PHF19: variants seen among roughly 807,000 people sequenced by gnomAD.
PHF19 encodes the protein polycomb like 3.
PHF19 carries 21 observed loss-of-function variants against 79.8 expected under a neutral mutation model. The observed-to-expected ratio is 0.26, with a 90% confidence interval of 0.19 to 0.38. The LOEUF is 0.38. PHF19 is among the 10% of genes least tolerant of loss of function. The probability of loss-of-function intolerance (pLI) is 1.00; values close to 1 mark genes in which losing one functional copy is unlikely to be tolerated. For synonymous variants in PHF19, 273 were observed against 296.3 expected (o/e 0.92, Z 0.81); for missense variants, 445 against 744.2 (o/e 0.60, Z 4.68).
chr9:120,876,941 G>T (rs1177685680), intron 1 of PHF19, 150 bp downstream of exon 1: 20 of 865,380 alleles, frequency 2.3e-5, no homozygotes, highest in Non-Finnish European at 2.6e-5. Context: ...CTGCACCCCC[G>T]GTCCCCACCC....
rs558384976 is a variant in PHF19 at position 120,866,770 on chromosome 9, C to T, written c.710+100G>A. 42 of 727,498 alleles carry T rather than the reference C, an allele frequency of 5.8e-5. No individual in the cohort carries two copies. In the Admixed American group the frequency reaches 7.1e-4, roughly 12 times the overall value. 45.1% of individuals were successfully genotyped at this position (727,498 alleles called of 1,614,324 possible). ...AGGCATACATTGTCACAGACCTCCT[C>T]TTGTCTGGAGCCTGGCAGTCAACCT... On this transcript the variant is annotated intron_variant, in intron 7 of 14. Transcript: ENST00000373896. This position sits in a 1 kb window ranked among gnomAD's most constrained non-coding sequence, Gnocchi z 5.2.
In PHF19 at chr9:120,869,719, G is replaced by A. The variant is rs374534932; in HGVS notation, c.465+126C>T. ...CCTGGCCAAGGACAGTGGCAGAGGC[G>A]CTATCTGTCTCCAAAGCCCAGGTGT... On this transcript the variant is annotated intron_variant, in intron 5 of 14. Transcript: ENST00000373896. This position sits in a 1 kb window ranked among gnomAD's most constrained non-coding sequence, Gnocchi z 5.8. The A allele has an allele frequency of 4.5e-6, 7 of 1,560,486 alleles. No individual in the cohort carries two copies. The highest frequency in any genetic ancestry group is 1.2e-5 in the South Asian group (1 of 84,762).
At chr9:120,868,524 T>C (rs1301132054) in intron 6 of PHF19, 2 of 153,046 alleles carry the variant, frequency 1.3e-5, no homozygotes, top group Non-Finnish European at 1.5e-5. Flanking sequence ...GGATTCGCAC[T>C]GTGTCCGGCC....
Position 120,860,986 on chromosome 9 carries a change from C to T in PHF19, c.1304+103G>A. The T allele has an allele frequency of 2.6e-6, 2 of 762,654 alleles. No homozygotes were observed. The highest frequency in any genetic ancestry group is 3.6e-5 in the Admixed American group (2 of 56,326). The allele number at this position is 762,654 out of a possible 1,614,324, so 47.2% of individuals were successfully genotyped here. A position where few individuals can be genotyped will look rare whatever the true frequency, so the allele number is the denominator to read the frequency against. On this transcript the variant is annotated intron_variant, in intron 13 of 14. Coordinates refer to ENST00000373896, the MANE Select transcript of PHF19 (RefSeq NM_015651.3). The surrounding 1 kb of genome is among the most constrained non-coding windows in gnomAD (Gnocchi z 4.1). ...CTCTACTGCAAAAAGCCCCTTCAGA[C>T]AGACCTGCACAGCAGGGATCCTTTT...
chr9:120,879,419 G>A (rs1196789850), upstream of PHF19, among the ~76,000 whole-genome samples: 1 of 152,180 alleles, frequency 6.6e-6, no homozygotes, highest in East Asian at 1.9e-4. Context: ...GAATTGTCCT[G>A]GCTTCAAGTC....
chr9:120,871,757 C>T (rs762072359), intron 3 of PHF19, among the ~76,000 whole-genome samples: 3 of 152,060 alleles, frequency 2.0e-5, no homozygotes, highest in Non-Finnish European at 4.4e-5. Context: ...GGGATCTCTT[C>T]GGCCGGGCGC....
At chr9:120,861,266 G>A (rs2045515956) in intron 12 of PHF19, 92 bp from the exon 13 acceptor site, 1 of 804,160 alleles carries the variant, frequency 1.2e-6, no homozygotes, top group African/African-American at 1.7e-5. Context: ...CAGGGCCGCT[G>A]AGGGCTGGGC....
chr9:120,863,599 C>T (rs1406469611), intron 10 of PHF19, among the ~76,000 whole-genome samples: 1 of 152,172 alleles, frequency 6.6e-6, no homozygotes, highest in Non-Finnish European at 1.5e-5. Context: ...TCTTAAAAGG[C>T]CTTGAGTGCC....
intron 3 of PHF19, among the ~76,000 whole-genome samples, chr9:120,872,899 G>A (rs2045945509): frequency 6.6e-6 from 1 of 152,016 alleles, no homozygotes; most frequent in Admixed American, 6.6e-5. Flanking sequence ...TGGGATTACA[G>A]GTATGAGCCA....
chr9:120,878,068 A>G (rs1398574807), upstream of PHF19, among the ~76,000 whole-genome samples: 2 of 152,228 alleles, frequency 1.3e-5, no homozygotes, highest in Non-Finnish European at 2.9e-5. Context: ...TGGGCTAACA[A>G]TGCAATTTTT....
Position 120,870,563 on chromosome 9 carries a change from G to GCGA in PHF19, c.269-26_269-25insTCG. ...GCTGAAAGAGAGGGCCTCGAGGGTC[G>GCGA]GGTCCAGCTCACAGGAATGGAAGTT... On this transcript the variant is annotated intron_variant, in intron 3 of 14. Coordinates refer to ENST00000373896, the MANE Select transcript of PHF19 (RefSeq NM_015651.3). This position sits in a 1 kb window ranked among gnomAD's most constrained non-coding sequence, Gnocchi z 4.4. 2 of 1,377,166 alleles carry GCGA rather than the reference G, an allele frequency of 1.5e-6. No homozygotes were observed. Among genetic ancestry groups the GCGA allele is most frequent in the Non-Finnish European group, 2.1e-6 (2 of 964,092 alleles). 85.3% of individuals were successfully genotyped at this position (1,377,166 alleles called of 1,614,324 possible). A position where few individuals can be genotyped will look rare whatever the true frequency, so the allele number is the denominator to read the frequency against.
At position 120,870,017 on chromosome 9, in the gene PHF19, C is replaced by T; in HGVS notation, c.365-72G>A. ...CCAAGGCCAGTTGGCCCAAAGGAGG[C>T]AGGGCTGGGAGGGCTGAGGGAAGTC... On this transcript the variant is annotated intron_variant, in intron 4 of 14. Coordinates refer to ENST00000373896, the MANE Select transcript of PHF19 (RefSeq NM_015651.3). The surrounding 1 kb of genome is among the most constrained non-coding windows in gnomAD (Gnocchi z 4.4). 6.5e-7 allele frequency: 1 copy of T among 1,527,284 alleles called. No homozygotes were observed. Among genetic ancestry groups the T allele is most frequent in the African/African-American group, 1.4e-5 (1 of 72,848 alleles). 94.6% of individuals were successfully genotyped at this position (1,527,284 alleles called of 1,614,324 possible). A position where few individuals can be genotyped will look rare whatever the true frequency, so the allele number is the denominator to read the frequency against.
At chr9:120,859,218 TTATACCATTGTCC>T in intron 14 of PHF19, among the ~76,000 whole-genome samples, 1 of 149,962 alleles carries the variant, frequency 6.7e-6, no homozygotes, top group East Asian at 2.0e-4. Flanking sequence ...TCTACAGGCA[TTATACCATTGTCC>T]TTTTTTTTTT....
At chr9:120,888,156 G>A (rs2046293780) in intron 1 of PHF19, among the ~76,000 whole-genome samples, 1 of 152,166 alleles carries the variant, frequency 6.6e-6, no homozygotes. Context: ...TATTTTTTTA[G>A]TAGAGAGGGG....
intron 3 of PHF19, among the ~76,000 whole-genome samples, chr9:120,872,037 C>CAAAAAAAAAGAAAAAGAA (rs2045912428): frequency 3.3e-5 from 1 of 30,322 alleles, no homozygotes. Context: ...GACTCTGTCT[C>CAAAAAAAAAGAAAAAGAA]AAAAAAAAAA....
At chr9:120,897,469 G>A (rs1299045277), upstream of PHF19, among the ~76,000 whole-genome samples, 3 of 152,232 alleles carry the variant, frequency 2.0e-5, no homozygotes, top group Admixed American at 6.5e-5. Context: ...GTCACATGGA[G>A]TGGGTGGGGC....
Position 120,866,793 on chromosome 9 carries a change from C to T in PHF19, c.710+77G>A. On this transcript the variant is annotated intron_variant, in intron 7 of 14. Transcript: ENST00000373896. This position sits in a 1 kb window ranked among gnomAD's most constrained non-coding sequence, Gnocchi z 5.2. ...CTCTTGTCTGGAGCCTGGCAGTCAA[C>T]CTGCAGGAGTTGTTGCTGCCATCCC... 1 of 794,446 alleles carries T rather than the reference C, an allele frequency of 1.3e-6. No individual in the cohort carries two copies. 49.2% of individuals were successfully genotyped at this position (794,446 alleles called of 1,614,324 possible).
chr9:120,887,448 C>A (rs1053919241), intron 1 of PHF19, among the ~76,000 whole-genome samples: 1 of 152,038 alleles, frequency 6.6e-6, no homozygotes, highest in African/African-American at 2.4e-5. Flanking sequence ...AGTGAAACTC[C>A]ATCTCAAAAA....
chr9:120,886,006 C>G (rs1034388067), intron 1 of PHF19, among the ~76,000 whole-genome samples: 1 of 152,238 alleles, frequency 6.6e-6, no homozygotes, highest in Non-Finnish European at 1.5e-5. Flanking sequence ...GTTGTCTGTT[C>G]TGCTCCCTGA....
Sources: allele counts gnomAD v4.1 joint callset (sites outside exome capture counted in the v4.1 genomes callset), GRCh38; gene constraint gnomAD v4.1.1; non-coding constraint Gnocchi (gnomAD v3.1); transcripts MANE v1.5; gene names NCBI Gene and HGNC (gene_info 2026-07-23, HGNC 2026-07-21).